Variants in MTHFD1L observed in about 807,000 individuals in gnomAD.
The protein encoded by MTHFD1L is monofunctional C1-tetrahydrofolate synthase, mitochondrial.
Under a neutral mutation model 119.5 loss-of-function variants are expected in MTHFD1L, and 81 were observed. The ratio of observed to expected loss-of-function variants is 0.68; its 90% CI spans 0.57 to 0.82. The LOEUF is 0.82. MTHFD1L is among the 40% of genes least tolerant of loss of function. The probability of loss-of-function intolerance (pLI) is 0.00; values close to 1 mark genes in which losing one functional copy is unlikely to be tolerated. For synonymous variants in MTHFD1L, 430 were observed against 475.2 expected (o/e 0.90, Z 1.24); for missense variants, 1,125 against 1,253.4 (o/e 0.90, Z 1.55).
intron 26 of MTHFD1L, among the ~76,000 whole-genome samples, chr6:151,073,643 A>G (rs144307502): frequency 1.3e-5 from 2 of 152,070 alleles, no homozygotes; most frequent in Non-Finnish European, 2.9e-5. Flanking sequence ...TATAACAAAG[A>G]TATAAATCAA....
chr6:150,911,179 A>T (rs935167567), intron 8 of MTHFD1L, among the ~76,000 whole-genome samples: 1 of 152,210 alleles, frequency 6.6e-6, no homozygotes, highest in Non-Finnish European at 1.5e-5. Context: ...GTAAAGGTTC[A>T]TGTCATTTAG....
chr6:151,031,341 A>T (rs1785313034), intron 24 of MTHFD1L, among the ~76,000 whole-genome samples: 1 of 152,198 alleles, frequency 6.6e-6, no homozygotes. Flanking sequence ...GACTGTTCAC[A>T]CACTCGGGCT....
rs577500600 is a variant in MTHFD1L, at chr6:151,010,762, T to A, written c.2265+804T>A. Among the ~76,000 whole-genome samples the A allele has an allele frequency of 9.0e-3, 1,234 of 137,836 alleles. 14 individuals are homozygous for A. Among genetic ancestry groups the A allele is most frequent in the African/African-American group, 0.033 (1,131 of 34,410 alleles). 90.4% of individuals were successfully genotyped at this position (137,836 alleles called of 152,430 possible). On this transcript the variant is annotated intron_variant, in intron 21 of 27. Coordinates refer to ENST00000367321, the MANE Select transcript of MTHFD1L (RefSeq NM_015440.5). ...AAGACATTTTATACTGATTAATCATTTTGAAATAAAATAAAATTTCTCTAT... is the reference window on the plus strand; with the variant it reads ...AAGACATTTTATACTGATTAATCATATTGAAATAAAATAAAATTTCTCTAT...
chr6:151,011,678 TC>T (rs1406631829), intron 21 of MTHFD1L, among the ~76,000 whole-genome samples: 4 of 152,202 alleles, frequency 2.6e-5, no homozygotes, highest in Non-Finnish European at 5.9e-5. Flanking sequence ...TTGTGTCTCT[TC>T]CACTGCTGCT....
At chr6:150,868,944 C>G (rs1000304749) in intron 1 of MTHFD1L, among the ~76,000 whole-genome samples, 17 of 152,094 alleles carry the variant, frequency 1.1e-4, no homozygotes, top group Admixed American at 7.9e-4. Flanking sequence ...GCCTGTAGTT[C>G]CAGCTACTCA....
chr6:151,028,472 A>G (rs1784882539), intron 24 of MTHFD1L, among the ~76,000 whole-genome samples: 1 of 152,118 alleles, frequency 6.6e-6, no homozygotes, highest in Non-Finnish European at 1.5e-5. Flanking sequence ...ATACTATGGA[A>G]CATTATTCAG....
rs1792060947 is a variant in MTHFD1L at position 150,936,400 on chromosome 6, G to A, written c.1257-404G>A. On this transcript the variant is annotated intron_variant, in intron 11 of 27. Transcript: ENST00000367321. ...ACTCACCCAAGGACCGTTGAGCTAG[G>A]CCCTGTCCCCAAACCATAGGCCCTG... Among the ~76,000 whole-genome samples the A allele has an allele frequency of 2.0e-5, 3 of 152,272 alleles. No homozygotes were observed. In the South Asian group the frequency reaches 6.2e-4, roughly 32 times the overall value.
At chr6:150,905,102 C>T (rs933661082) in intron 7 of MTHFD1L, among the ~76,000 whole-genome samples, 29 of 134,256 alleles carry the variant, frequency 2.2e-4, no homozygotes, top group African/African-American at 7.4e-4. Flanking sequence ...GGTGTGATCT[C>T]GGCTCACTGC....
chr6:150,896,835 G>A lies in MTHFD1L; in HGVS notation c.781-8815G>A, dbSNP rs1235585900. Among the ~76,000 whole-genome samples, 7 of 152,152 alleles carry A rather than the reference G, an allele frequency of 4.6e-5. No homozygotes were observed. In the East Asian group the frequency reaches 7.7e-4, roughly 17 times the overall value. On this transcript the variant is annotated intron_variant, in intron 7 of 27. Transcript: ENST00000367321. ...ACCAAGAAGGGGCTGTGTGGCGGGCGCGGTGGCTCACACCTGTAACCCCAG... is the reference window on the plus strand; with the variant it reads ...ACCAAGAAGGGGCTGTGTGGCGGGCACGGTGGCTCACACCTGTAACCCCAG...
intron 22 of MTHFD1L, among the ~76,000 whole-genome samples, chr6:151,014,655 G>A (rs1782751400): frequency 6.6e-6 from 1 of 152,200 alleles, no homozygotes; most frequent in South Asian, 2.1e-4. Context: ...TCCTCAGCAG[G>A]GTGAGCTGCC....
chr6:151,005,207 G>A (rs117099588), intron 20 of MTHFD1L, among the ~76,000 whole-genome samples: 3,234 of 152,156 alleles, frequency 0.021, 49 homozygotes, highest in Middle Eastern at 0.034. Context: ...CACGAGATGG[G>A]TCTTCATATC....
Position 150,938,104 on chromosome 6 carries a change from G to A in MTHFD1L, c.1394-595G>A, listed in dbSNP as rs185633045. On this transcript the variant is annotated intron_variant, in intron 12 of 27. Coordinates refer to ENST00000367321, the MANE Select transcript of MTHFD1L (RefSeq NM_015440.5). ...GCAATCTCGGCTCACTCCAATCTCCGCCTCCCAGTTTCAAGTGATTCTCCT... is the reference window on the plus strand; with the variant it reads ...GCAATCTCGGCTCACTCCAATCTCCACCTCCCAGTTTCAAGTGATTCTCCT... Among the ~76,000 whole-genome samples the A allele has an allele frequency of 1.9e-3, 282 of 152,086 alleles. 1 individual carries two copies. Among genetic ancestry groups the A allele is most frequent in the Middle Eastern group, 6.8e-3 (2 of 294 alleles).
At chr6:151,055,521 CTTT>C (rs1335987382) in intron 26 of MTHFD1L, among the ~76,000 whole-genome samples, 1 of 142,464 alleles carries the variant, frequency 7.0e-6, no homozygotes. Context: ...TGTGCTGAAT[CTTT>C]TTTTTTTTTT....
chr6:151,078,052 C>CAAAAA (rs71014538), intron 26 of MTHFD1L, among the ~76,000 whole-genome samples: 1,081 of 59,838 alleles, frequency 0.018, 108 homozygotes, highest in South Asian at 0.09. Context: ...GACTCTGTCT[C>CAAAAA]AAAAAAAAAA....
chr6:150,919,785 A>G (rs1380890260), intron 9 of MTHFD1L, among the ~76,000 whole-genome samples: 2 of 151,854 alleles, frequency 1.3e-5, no homozygotes, highest in African/African-American at 4.8e-5. Context: ...TGATCCCATC[A>G]CCCTCCACCA....
chr6:151,082,905 G>A (rs1406877907), intron 26 of MTHFD1L, among the ~76,000 whole-genome samples: 1 of 152,142 alleles, frequency 6.6e-6, no homozygotes, highest in Admixed American at 6.5e-5. Context: ...CCTGTCTCCC[G>A]ATAATGCTTT....
At chr6:150,988,614 G>A (rs954576229) in intron 20 of MTHFD1L, among the ~76,000 whole-genome samples, 1 of 151,778 alleles carries the variant, frequency 6.6e-6, no homozygotes, top group South Asian at 2.1e-4. Context: ...TTGTGGGGGG[G>A]GCGGGAGCGG....
intron 26 of MTHFD1L, among the ~76,000 whole-genome samples, chr6:151,046,515 A>G (rs1388155501): frequency 2.5e-5 from 3 of 118,760 alleles, no homozygotes; most frequent in African/African-American, 6.7e-5. Flanking sequence ...ATATATATAT[A>G]GACTCATTTT....
At chr6:150,967,184 T>G (rs1797336906) in intron 19 of MTHFD1L, among the ~76,000 whole-genome samples, 1 of 152,200 alleles carries the variant, frequency 6.6e-6, no homozygotes, top group South Asian at 2.1e-4. Flanking sequence ...TTAACTGACC[T>G]CGGGTTCCAC....
Sources: allele counts gnomAD v4.1 joint callset (sites outside exome capture counted in the v4.1 genomes callset), GRCh38; gene constraint gnomAD v4.1.1; transcripts MANE v1.5; gene names NCBI Gene and HGNC (gene_info 2026-07-23, HGNC 2026-07-21).